Variants in MCC observed in about 807,000 individuals in gnomAD.
MCC encodes MCC regulator of Wnt signaling pathway, also known as colorectal mutant cancer protein.
A neutral mutation model predicts 116.2 loss-of-function variants in MCC; 90 were observed. The observed-to-expected ratio is 0.77, with a 90% CI of 0.65 to 0.92. MCC has a LOEUF of 0.92. Ranked by LOEUF, MCC falls within the 40% of genes least tolerant of loss-of-function variation. The probability of loss-of-function intolerance (pLI) is 0.00; values close to 1 mark genes in which losing one functional copy is unlikely to be tolerated. For missense variants in MCC, 1,516 were observed against 1,312.2 expected (o/e 1.16, Z -2.40); for synonymous variants, 578 against 510.5 (o/e 1.13, Z -1.78).
At chr5:113,044,450 T>TA (rs1194098819) in intron 16 of MCC, 2 of 973,672 alleles carry the variant, frequency 2.1e-6, no homozygotes, top group African/African-American at 3.5e-5. Context: ...CCACACTACA[T>TA]AGTACCATGG....
At chr5:113,222,637 G>A (rs907924890) in intron 3 of MCC, among the ~76,000 whole-genome samples, 1 of 152,194 alleles carries the variant, frequency 6.6e-6, no homozygotes, top group African/African-American at 2.4e-5. Context: ...TGTATAAGAA[G>A]AAGAGATTAA....
intron 3 of MCC, among the ~76,000 whole-genome samples, chr5:113,177,348 T>C (rs17135393): frequency 0.17 from 25,805 of 152,208 alleles, 2,741 homozygotes; most frequent in African/African-American, 0.3. Flanking sequence ...TAACATTGAC[T>C]AGTTCCTCTA....
At chr5:113,428,101 C>T (rs542235636) in intron 1 of MCC, among the ~76,000 whole-genome samples, 6 of 152,172 alleles carry the variant, frequency 3.9e-5, no homozygotes, top group Non-Finnish European at 4.4e-5. Flanking sequence ...TGACTGGAAA[C>T]GTAGGGCATT....
intron 5 of MCC, among the ~76,000 whole-genome samples, chr5:113,137,818 A>T (rs2150282448): frequency 6.6e-6 from 1 of 152,236 alleles, no homozygotes; most frequent in Non-Finnish European, 1.5e-5. Context: ...CGGAGCATTT[A>T]CCACATCTCT....
chr5:113,210,027 T>C (rs1280531289), intron 3 of MCC, among the ~76,000 whole-genome samples: 1 of 152,212 alleles, frequency 6.6e-6, no homozygotes, highest in Admixed American at 6.5e-5. Flanking sequence ...AAAGGACCTA[T>C]GTTTGAGCGT....
chr5:113,197,135 G>A (rs900051661), intron 3 of MCC, among the ~76,000 whole-genome samples: 20 of 152,202 alleles, frequency 1.3e-4, no homozygotes, highest in Admixed American at 4.6e-4. Flanking sequence ...GTGGGCTGGG[G>A]GGTCCGCTCC....
At chr5:113,429,138 A>T (rs1453015336) in intron 1 of MCC, among the ~76,000 whole-genome samples, 1 of 152,182 alleles carries the variant, frequency 6.6e-6, no homozygotes, top group Admixed American at 6.5e-5. Flanking sequence ...CCCTTCCCAA[A>T]TTCATATGCT....
intron 18 of MCC, among the ~76,000 whole-genome samples, chr5:113,027,967 GA>G (rs1181619227): frequency 1.4e-4 from 21 of 152,288 alleles, no homozygotes; most frequent in Admixed American, 1.0e-3. Flanking sequence ...GTGGGACTCG[GA>G]ATATTAAATT....
Position 113,151,810 on chromosome 5 carries a change from G to A in MCC, c.628-388C>T, listed in dbSNP as rs146686052. 6.7e-3 allele frequency among the ~76,000 whole-genome samples: 1,012 copies of A among 152,172 alleles called. 5 individuals carry two copies. Among genetic ancestry groups the A allele is most frequent in the Non-Finnish European group, 0.011 (715 of 68,008 alleles). On this transcript the variant is annotated intron_variant, in intron 3 of 18. Transcript: ENST00000408903. ...CAGAACCATATTAATTTTCACCTTC[G>A]GAAAATATGAAAGCTGAATAGGGCA...
At chr5:113,409,934 A>T (rs1769933420) in intron 1 of MCC, among the ~76,000 whole-genome samples, 1 of 139,126 alleles carries the variant, frequency 7.2e-6, no homozygotes. Context: ...AATTATTTAT[A>T]ATCATATTTT....
chr5:113,463,829 G>A (rs370204663), intron 1 of MCC, among the ~76,000 whole-genome samples: 1 of 152,156 alleles, frequency 6.6e-6, no homozygotes, highest in African/African-American at 2.4e-5. Flanking sequence ...TACCTAGAGA[G>A]AATGTCTGAG....
chr5:113,106,899 C>T (rs942291540), intron 6 of MCC, among the ~76,000 whole-genome samples: 2 of 152,196 alleles, frequency 1.3e-5, no homozygotes, highest in Non-Finnish European at 2.9e-5. Context: ...TGCTATCTCC[C>T]CAACAAGCTC....
Position 113,434,569 on chromosome 5 carries a change from C to G in MCC, c.171-49357G>C, listed in dbSNP as rs1396714556. The G allele has an allele frequency of 3.6e-5, 58 of 1,613,452 alleles. No individual in the cohort carries two copies. The highest frequency in any genetic ancestry group is 4.7e-5 in the Non-Finnish European group (56 of 1,179,762). ...AGGAGGTCGCCCTGGACCGCGAGCTCCATGACGATGTAGACCTTGCCATGT... is the reference window on the plus strand; with the variant it reads ...AGGAGGTCGCCCTGGACCGCGAGCTGCATGACGATGTAGACCTTGCCATGT... On this transcript the variant is annotated intron_variant, in intron 1 of 18. Coordinates refer to ENST00000408903, the MANE Select transcript of MCC (RefSeq NM_001085377.2). The surrounding 1 kb of genome is among the most constrained non-coding windows in gnomAD (Gnocchi z 4.2).
At chr5:113,340,436 T>A in intron 3 of MCC, 83 bp downstream of exon 3, 1 of 1,131,108 alleles carries the variant, frequency 8.8e-7, no homozygotes, top group East Asian at 2.4e-5. Context: ...ACCCGATATG[T>A]CCCCTGGAGC....
Position 113,469,807 on chromosome 5 carries a change from G to T in MCC, c.170+18438C>A, listed in dbSNP as rs530320923. Among the ~76,000 whole-genome samples, 5 of 152,282 alleles carry T rather than the reference G, an allele frequency of 3.3e-5. No individual in the cohort carries two copies. In the South Asian group the frequency reaches 1.0e-3, roughly 32 times the overall value. On this transcript the variant is annotated intron_variant, in intron 1 of 18. Transcript: ENST00000408903. Reference sequence around the variant, plus strand: ...TGTTAAAGTCTCCCATTATTATTGTGTGGGAGTCTAAGCCTCTTTGTAGGT... The same window carrying T: ...TGTTAAAGTCTCCCATTATTATTGTTTGGGAGTCTAAGCCTCTTTGTAGGT...
chr5:113,066,702 G>A (rs1412562218), intron 13 of MCC, among the ~76,000 whole-genome samples: 2 of 152,242 alleles, frequency 1.3e-5, no homozygotes, highest in African/African-American at 4.8e-5. Flanking sequence ...AGGGGGAGGA[G>A]CGGGGAAGAA....
chr5:113,188,440 CCA>C (rs1266135426), intron 3 of MCC, among the ~76,000 whole-genome samples: 2 of 152,184 alleles, frequency 1.3e-5, no homozygotes, highest in Admixed American at 6.5e-5. Context: ...CCAAGGACAG[CCA>C]CAGTGACTGC....
At chr5:113,078,430 C>T (rs1392451722) in intron 11 of MCC, among the ~76,000 whole-genome samples, 1 of 152,188 alleles carries the variant, frequency 6.6e-6, no homozygotes, top group East Asian at 1.9e-4. Context: ...CAAACCAAAT[C>T]CAGCAGCACA....
Position 113,085,284 on chromosome 5 carries a change from C to T in MCC, c.1425G>A (p.Gln475=). The change falls in exon 9 of 19, where the codon CAG becomes CAA. Residue 475 remains glutamine, a synonymous_variant. Coordinates refer to ENST00000408903, the MANE Select transcript of MCC (RefSeq NM_001085377.2). ...RRVRELQTRL[Q]SVQATGPSSP... ...TGGAGGGACCTGTGGCCTGCACGCT[C>T]TGTAGTCGAGTTTGAAGCTCTCTGA... The T allele has an allele frequency of 6.2e-7, 1 of 1,613,732 alleles. No homozygotes were observed. Among genetic ancestry groups the T allele is most frequent in the Non-Finnish European group, 8.5e-7 (1 of 1,179,752 alleles).
Sources: gnomAD v4.1 joint callset for allele counts (sites outside exome capture counted in the v4.1 genomes callset) on GRCh38, gnomAD v4.1.1 for gene constraint, Gnocchi (gnomAD v3.1) non-coding constraint, MANE v1.5 for transcripts, NCBI Gene and HGNC (gene_info 2026-07-23, HGNC 2026-07-21) for gene names.